DAPK2: variants seen among roughly 807,000 people sequenced by gnomAD.
DAPK2 encodes death-associated protein kinase 2.
Under a neutral mutation model 44.1 loss-of-function variants are expected in DAPK2, and 35 were observed. The observed-to-expected ratio is 0.79, with a 90% CI of 0.61 to 1.05. The LOEUF (loss-of-function observed/expected upper bound fraction) is 1.05, where lower values mean the gene tolerates loss of function less well. Ranked by LOEUF, DAPK2 falls within the 50% of genes least tolerant of loss-of-function variation. The pLI is 0.00. For synonymous variants in DAPK2, 174 were observed against 182.6 expected, an observed-to-expected ratio of 0.95 and a Z score of 0.38; for missense variants, 453 against 483.2, an observed-to-expected ratio of 0.94 and a Z score of 0.59.
intron 1 of DAPK2, among the ~76,000 whole-genome samples, chr15:63,998,683 C>T (rs924536690): frequency 1.3e-5 from 2 of 152,242 alleles, no homozygotes; most frequent in African/African-American, 4.8e-5. Flanking sequence ...ACAGTAGGTG[C>T]TTTCCGTGTG....
intron 1 of DAPK2, among the ~76,000 whole-genome samples, chr15:64,011,684 T>C (rs1407083624): frequency 1.3e-5 from 2 of 152,238 alleles, no homozygotes; most frequent in African/African-American, 4.8e-5. Context: ...ATAGTACAAC[T>C]GAGAAACTAA....
At chr15:64,044,574 C>G (rs532346389), upstream of DAPK2, among the ~76,000 whole-genome samples, 2 of 152,140 alleles carry the variant, frequency 1.3e-5, no homozygotes, top group African/African-American at 4.8e-5. Flanking sequence ...TGACCCATCC[C>G]GCTCCTCTTC....
intron 1 of DAPK2, among the ~76,000 whole-genome samples, chr15:64,028,759 A>G (rs1006661215): frequency 6.6e-5 from 10 of 152,150 alleles, no homozygotes; most frequent in Non-Finnish European, 1.3e-4. Context: ...GTAGGTAGGC[A>G]GGTAGACAGA....
At chr15:63,969,616 C>G (rs2078152965) in intron 3 of DAPK2, among the ~76,000 whole-genome samples, 2 of 152,032 alleles carry the variant, frequency 1.3e-5, no homozygotes, top group Non-Finnish European at 2.9e-5. Context: ...TGGCACACGC[C>G]TTTAGTCCCA....
At chr15:63,925,980 G>A in exon 7 of DAPK2, 2 of 1,614,142 alleles carry the variant, frequency 1.2e-6, no homozygotes, top group South Asian at 1.1e-5. Flanking sequence ...AAAGTCCTTG[G>A]CCAGCTCGCT....
intron 1 of DAPK2, among the ~76,000 whole-genome samples, chr15:64,015,865 C>T (rs753710482): frequency 1.2e-4 from 19 of 152,164 alleles, no homozygotes; most frequent in Non-Finnish European, 2.5e-4. Flanking sequence ...CAGAGCCTCC[C>T]CAAGGAATCA....
At chr15:63,925,917 C>A (rs539380601) in intron 7 of DAPK2, 24 bp downstream of exon 8, 1 of 1,614,072 alleles carries the variant, frequency 6.2e-7, no homozygotes, top group African/African-American at 1.3e-5. Context: ...ACCTGAGAAA[C>A]CAGTGGCTTC....
At chr15:64,036,180 G>A (rs1196349757) in intron 1 of DAPK2, among the ~76,000 whole-genome samples, 1 of 150,412 alleles carries the variant, frequency 6.6e-6, no homozygotes, top group Non-Finnish European at 1.5e-5. Context: ...AGAATAGCTT[G>A]AACCTGGGAG....
chr15:64,000,189 AC>A (rs2079048417), intron 1 of DAPK2, among the ~76,000 whole-genome samples: 1 of 34,402 alleles, frequency 2.9e-5, no homozygotes, highest in African/African-American at 6.6e-5. Flanking sequence ...CTACTACTAC[AC>A]ACACACACAC....
chr15:63,947,839 T>A (rs2077488759), intron 3 of DAPK2, among the ~76,000 whole-genome samples: 1 of 152,168 alleles, frequency 6.6e-6, no homozygotes. Flanking sequence ...ATCATTTGGA[T>A]ATGCAGCCCA....
rs202173131 is a variant in DAPK2, at chr15:64,036,340, T to C, written c.92+3830A>G. The stretch of plus-strand genomic sequence containing the variant: ...ATATGTATATATATATATATATACA[T>C]ATATATATATATATTTTAGTTAAGG... On this transcript the variant is annotated intron_variant, in intron 1 of 10. Coordinates refer to ENST00000261891, the Ensembl canonical transcript of DAPK2. Among the ~76,000 whole-genome samples the C allele has an allele frequency of 2.0e-3, 240 of 119,698 alleles. 4 individuals are homozygous for C. Among genetic ancestry groups the C allele is most frequent in the African/African-American group, 6.0e-3 (207 of 34,334 alleles). The allele number at this position is 119,698 out of a possible 152,430, so 78.5% of individuals were successfully genotyped here. A position where few individuals can be genotyped will look rare whatever the true frequency, so the allele number is the denominator to read the frequency against.
At chr15:63,943,950 C>A (rs889839157) in intron 3 of DAPK2, among the ~76,000 whole-genome samples, 14 of 152,148 alleles carry the variant, frequency 9.2e-5, no homozygotes, top group African/African-American at 2.4e-4. Context: ...CCTGGGGCAA[C>A]CTCGTGCCTG....
chr15:63,971,293 C>G, intron 3 of DAPK2, 130 bp downstream of exon 4: 1 of 1,158,956 alleles, frequency 8.6e-7, no homozygotes, highest in Non-Finnish European at 1.2e-6. Flanking sequence ...TTCCCATGAG[C>G]TCAGGGTTTT....
intron 3 of DAPK2, among the ~76,000 whole-genome samples, chr15:63,941,282 G>A (rs1039078077): frequency 1.3e-5 from 2 of 152,088 alleles, no homozygotes; most frequent in Non-Finnish European, 2.9e-5. Flanking sequence ...ACCCCCAGGA[G>A]TGAGCCCCAC....
intron 1 of DAPK2, among the ~76,000 whole-genome samples, chr15:64,009,661 AC>A (rs1438750955): frequency 2.0e-5 from 3 of 151,650 alleles, no homozygotes; most frequent in Admixed American, 6.6e-5. Context: ...TGACCATGCC[AC>A]CCCCCAGGAA....
intron 1 of DAPK2, among the ~76,000 whole-genome samples, chr15:64,016,822 G>T (rs544062326): frequency 3.5e-5 from 4 of 113,464 alleles, no homozygotes; most frequent in African/African-American, 1.4e-4. Context: ...GAAGGGGAAG[G>T]GGAAGGAAGG....
At chr15:64,009,956 G>C (rs1040902705) in intron 1 of DAPK2, among the ~76,000 whole-genome samples, 14 of 152,158 alleles carry the variant, frequency 9.2e-5, no homozygotes, top group African/African-American at 1.2e-4. Flanking sequence ...GCTTGTTCTA[G>C]GCAGCCAGCA....
chr15:63,994,091 A>T (rs1169358723), intron 1 of DAPK2, among the ~76,000 whole-genome samples: 1 of 152,094 alleles, frequency 6.6e-6, no homozygotes, highest in African/African-American at 2.4e-5. Context: ...CTCTCCAAAC[A>T]CCACAAAAGT....
At chr15:63,994,986 C>T (rs1383422669) in intron 1 of DAPK2, among the ~76,000 whole-genome samples, 1 of 151,926 alleles carries the variant, frequency 6.6e-6, no homozygotes, top group Admixed American at 6.6e-5. Flanking sequence ...AGATCATTAA[C>T]ATCTCCTCAT....
Sources: gnomAD v4.1 joint callset for allele counts (sites outside exome capture counted in the v4.1 genomes callset) on GRCh38, gnomAD v4.1.1 for gene constraint, MANE v1.5 for transcripts, NCBI Gene and HGNC (gene_info 2026-07-23, HGNC 2026-07-21) for gene names.